Variants in ACACA observed in about 807,000 individuals in gnomAD.
The protein encoded by ACACA is acetyl-CoA carboxylase 1.
A neutral mutation model predicts 296.1 loss-of-function variants in ACACA; 103 were observed. The ratio of observed to expected loss-of-function variants is 0.35; its 90% CI spans 0.30 to 0.41. The LOEUF (loss-of-function observed/expected upper bound fraction) is 0.41. Ranked by LOEUF, ACACA falls within the 10% of genes least tolerant of loss-of-function variation. The probability of loss-of-function intolerance (pLI) is 1.00; values close to 1 mark genes in which losing one functional copy is unlikely to be tolerated. For synonymous variants in ACACA, 953 were observed against 1,038.6 expected, an observed-to-expected ratio of 0.92 and a Z score of 1.58; for missense variants, 1,554 against 2,989.7, an observed-to-expected ratio of 0.52 and a Z score of 11.20.
chr17:37,268,630 C>T (rs1023712199), intron 10 of ACACA, among the ~76,000 whole-genome samples: 1 of 151,560 alleles, frequency 6.6e-6, no homozygotes, highest in Non-Finnish European at 1.5e-5. Flanking sequence ...TCTGGGTTTC[C>T]TTTTTCTCTT....
chr17:37,140,526 G>C (rs923978391), intron 45 of ACACA: 1 of 152,858 alleles, frequency 6.5e-6, no homozygotes, highest in African/African-American at 2.4e-5. Context: ...TTAAGATTAA[G>C]AGATCCTCTG....
At chr17:37,392,614 G>C (rs2050929222) in intron 1 of ACACA, 1 of 151,880 alleles carries the variant, frequency 6.6e-6, no homozygotes, top group Admixed American at 6.6e-5. Context: ...ATTTCATTTT[G>C]GTGAAATGTG....
chr17:37,354,766 C>CA (rs1241283118), intron 1 of ACACA, among the ~76,000 whole-genome samples: 1 of 151,662 alleles, frequency 6.6e-6, no homozygotes, highest in Admixed American at 6.6e-5. Context: ...CTCCACCCCA[C>CA]AAAAAAAATT....
At chr17:37,404,800 ACTT>A (rs2051412620) in intron 1 of ACACA, among the ~76,000 whole-genome samples, 1 of 151,898 alleles carries the variant, frequency 6.6e-6, no homozygotes, top group African/African-American at 2.4e-5. Context: ...CTGGTCTCGA[ACTT>A]CTAACCTCAA....
At position 37,086,730 on chromosome 17, in the gene ACACA, G is replaced by A. The variant is rs1414801884; in HGVS notation, c.*586C>T. ...TCTTTGAGTTCCTATGGAGCTTGTAGTAGATTTTATGCTCTAATTTTTCTT... is the reference window on the plus strand; with the variant it reads ...TCTTTGAGTTCCTATGGAGCTTGTAATAGATTTTATGCTCTAATTTTTCTT... On this transcript the variant is annotated 3_prime_UTR_variant, in exon 56 of 56. Coordinates refer to ENST00000616317, the MANE Select transcript of ACACA (RefSeq NM_198834.3). The A allele has an allele frequency of 6.4e-6, 1 of 157,144 alleles. No homozygotes were observed. The highest frequency in any genetic ancestry group is 1.8e-4 in the East Asian group (1 of 5,422). 9.7% of individuals were successfully genotyped at this position (157,144 alleles called of 1,614,324 possible).
intron 1 of ACACA, among the ~76,000 whole-genome samples, chr17:37,354,290 C>G (rs77424110): frequency 2.6e-5 from 4 of 152,228 alleles, no homozygotes; most frequent in African/African-American, 9.6e-5. Context: ...TCAACATCAT[C>G]GAAAGGCAAG....
intron 1 of ACACA, chr17:37,377,808 T>G: frequency 8.0e-7 from 1 of 1,246,022 alleles, no homozygotes; most frequent in South Asian, 1.3e-5. Context: ...TTCTAAAAAG[T>G]AAGTACCAGT....
intron 6 of ACACA, among the ~76,000 whole-genome samples, chr17:37,277,439 T>C (rs117144466): frequency 1.3e-5 from 2 of 152,382 alleles, no homozygotes; most frequent in East Asian, 1.9e-4. Context: ...ATGTTTCACA[T>C]ATTCAATTAC....
chr17:37,369,847 A>T (rs1402542946), intron 1 of ACACA, among the ~76,000 whole-genome samples: 2 of 151,872 alleles, frequency 1.3e-5, no homozygotes, highest in African/African-American at 4.8e-5. Flanking sequence ...CTGAGATTAC[A>T]GGTGCGTACC....
chr17:37,143,534 G>C lies in ACACA; in HGVS notation c.5679+6330C>G, dbSNP rs1387057971. 6.0e-3 allele frequency: 2,886 copies of C among 480,794 alleles called. 71 individuals carry two copies. Among genetic ancestry groups the C allele is most frequent in the African/African-American group, 0.05 (2,524 of 50,374 alleles). 29.8% of individuals were successfully genotyped at this position (480,794 alleles called of 1,614,324 possible). ...TATCTAAAGACACTTTTGGTAGTGT[G>C]TTAACTATACAAAAGAAGACACCAT... is the stretch of plus-strand genomic sequence containing the variant. On this transcript the variant is annotated intron_variant, in intron 45 of 55. Transcript: ENST00000616317.
chr17:37,150,344 C>T (rs1031727674), intron 44 of ACACA, among the ~76,000 whole-genome samples: 9 of 152,084 alleles, frequency 5.9e-5, no homozygotes, highest in African/African-American at 2.2e-4. Context: ...GAGTTTGAGA[C>T]CAGCCTGGCC....
At chr17:37,217,734 C>CAAAAAA (rs57846347) in intron 29 of ACACA, among the ~76,000 whole-genome samples, 19 of 29,388 alleles carry the variant, frequency 6.5e-4, no homozygotes, top group Admixed American at 1.3e-3. Context: ...GACTCCATCT[C>CAAAAAA]AAAAAAAAAA....
intron 8 of ACACA, among the ~76,000 whole-genome samples, chr17:37,275,400 G>A (rs2082237158): frequency 6.6e-6 from 1 of 150,786 alleles, no homozygotes; most frequent in African/African-American, 2.4e-5. Context: ...GGGAGGCTGA[G>A]GCAGAGAATT....
intron 23 of ACACA, among the ~76,000 whole-genome samples, chr17:37,241,108 T>C (rs935388590): frequency 3.9e-5 from 6 of 152,022 alleles, no homozygotes; most frequent in Non-Finnish European, 7.4e-5. Context: ...GGTGGGAGGA[T>C]TGCTTGAGCC....
chr17:37,097,936 A>G lies in ACACA; in HGVS notation c.6614T>C (p.Leu2205Ser). Reference protein sequence around the residue: ...TAERKELENKLKEREEFLIPI... With the variant: ...TAERKELENKSKEREEFLIPI... ...AATTAGGAATTCCTCCCGCTCCTTC[A>G]ACTTGTTCTCCAACTCCTTCCGCTC... Residue 2205 changes from leucine (L) to serine (S), a missense_variant, in exon 53 of 56, where the codon TTG (leucine) becomes TCG (serine). By Grantham distance (145) the Leu-to-Ser change is moderately radical (BLOSUM62 -2). Around this residue, in one of 16 missense-constraint regions of ACACA, gnomAD observed 553 missense variants for 1,043.6 expected, o/e 0.53. Transcript: ENST00000616317. The surrounding 1 kb of genome is among the most constrained non-coding windows in gnomAD (Gnocchi z 4.8). The G allele has an allele frequency of 6.2e-7, 1 of 1,614,128 alleles. No homozygotes were observed. The highest frequency in any genetic ancestry group is 8.5e-7 in the Non-Finnish European group (1 of 1,180,016).
At chr17:37,301,822 G>A (rs900133684) in intron 3 of ACACA, among the ~76,000 whole-genome samples, 1 of 152,200 alleles carries the variant, frequency 6.6e-6, no homozygotes, top group Admixed American at 6.6e-5. Flanking sequence ...TTTAGGATCG[G>A]CTTGTCAAAT....
At chr17:37,155,917 C>G (rs186971679) in intron 42 of ACACA, 137 bp from the exon 43 acceptor site, 381 of 685,242 alleles carry the variant, frequency 5.6e-4, no homozygotes, top group Non-Finnish European at 8.7e-4. Context: ...TACTGTCTAA[C>G]AGAATACTAG....
chr17:37,240,444 C>T (rs2080337022), intron 24 of ACACA, 32 bp downstream of exon 24: 3 of 1,602,328 alleles, frequency 1.9e-6, no homozygotes, highest in Middle Eastern at 1.7e-4. Flanking sequence ...TCAAGGCTTT[C>T]TTAGCTAGAG....
intron 24 of ACACA, among the ~76,000 whole-genome samples, chr17:37,237,165 A>G (rs1055605261): frequency 6.6e-6 from 1 of 152,146 alleles, no homozygotes; most frequent in Non-Finnish European, 1.5e-5. Context: ...TATTTTTGAG[A>G]TTCATCCTTT....
Sources: gnomAD v4.1 joint callset for allele counts (sites outside exome capture counted in the v4.1 genomes callset) on GRCh38, gnomAD v4.1.1 for gene constraint, gnomAD v4.1.1 regional missense constraint, Gnocchi (gnomAD v3.1) non-coding constraint, MANE v1.5 for transcripts, NCBI Gene and HGNC (gene_info 2026-07-23, HGNC 2026-07-21) for gene names.